DOCK4: variants seen among roughly 807,000 people sequenced by gnomAD.
The protein encoded by DOCK4 is dedicator of cytokinesis protein 4.
In DOCK4, 97 loss-of-function variants were observed where a neutral mutation model predicts 268.1. The observed-to-expected ratio is 0.36, with a 90% CI of 0.31 to 0.43. The LOEUF is 0.43. DOCK4 is among the 20% of genes least tolerant of loss of function. The pLI, the probability that DOCK4 is intolerant of heterozygous loss-of-function variation, is 1.00. For synonymous variants in DOCK4, 954 were observed against 887.2 expected (o/e 1.08, Z -1.34); for missense variants, 2,145 against 2,455.7 (o/e 0.87, Z 2.67).
intron 27 of DOCK4, chr7:111,820,721 T>C (rs956803599): frequency 1.3e-5 from 2 of 152,240 alleles, no homozygotes; most frequent in African/African-American, 4.8e-5. Flanking sequence ...TACTTTCAGT[T>C]TGAATTTCTA....
chr7:111,921,337 G>T (rs1793120200), intron 12 of DOCK4, among the ~76,000 whole-genome samples: 1 of 152,160 alleles, frequency 6.6e-6, no homozygotes, highest in Non-Finnish European at 1.5e-5. Flanking sequence ...GCCAAATGTG[G>T]CTGATTACTT....
intron 28 of DOCK4, among the ~76,000 whole-genome samples, chr7:111,809,988 CAAA>C (rs141294490): frequency 7.9e-6 from 1 of 126,180 alleles, no homozygotes. Flanking sequence ...ATAAACTTAG[CAAA>C]AAAAAAAAAG....
At chr7:112,198,311 C>T (rs1255576459) in intron 1 of DOCK4, among the ~76,000 whole-genome samples, 1 of 152,142 alleles carries the variant, frequency 6.6e-6, no homozygotes, top group Non-Finnish European at 1.5e-5. Flanking sequence ...AAGGCCCTCA[C>T]CAGGAACTGA....
At chr7:112,071,233 C>T (rs1807555994) in intron 1 of DOCK4, among the ~76,000 whole-genome samples, 2 of 152,136 alleles carry the variant, frequency 1.3e-5, no homozygotes, top group South Asian at 2.1e-4. Context: ...TATCTTGTAC[C>T]TTTGTTGATA....
intron 26 of DOCK4, among the ~76,000 whole-genome samples, chr7:111,832,659 C>T (rs1474044021): frequency 6.6e-6 from 1 of 152,116 alleles, no homozygotes; most frequent in Admixed American, 6.5e-5. Flanking sequence ...TCCCAAATAG[C>T]TGGGACTACA....
At chr7:112,099,267 G>C (rs1810448467) in intron 1 of DOCK4, among the ~76,000 whole-genome samples, 1 of 150,570 alleles carries the variant, frequency 6.6e-6, no homozygotes, top group South Asian at 2.1e-4. Flanking sequence ...ATTTCCGCCT[G>C]GGTGATAGAG....
At chr7:111,784,419 A>C (rs1166818410) in intron 32 of DOCK4, 2 of 602,568 alleles carry the variant, frequency 3.3e-6, no homozygotes, top group South Asian at 3.0e-5. Context: ...AAGCAATTTT[A>C]CTGCAATGCA....
chr7:111,799,857 T>C (rs533562100), intron 30 of DOCK4, among the ~76,000 whole-genome samples: 2 of 152,314 alleles, frequency 1.3e-5, no homozygotes, highest in East Asian at 1.9e-4. Flanking sequence ...TAATTTTATA[T>C]GGAAATTATT....
At chr7:112,000,348 G>A in intron 3 of DOCK4, 146 bp downstream of exon 3, 2 of 528,326 alleles carry the variant, frequency 3.8e-6, no homozygotes, top group Middle Eastern at 5.4e-4. Flanking sequence ...CAAGTTCAAA[G>A]GAATTTCCAA....
At chr7:111,897,757 C>T (rs142521355) in intron 15 of DOCK4, among the ~76,000 whole-genome samples, 30 of 152,322 alleles carry the variant, frequency 2.0e-4, no homozygotes, top group Admixed American at 5.2e-4. Context: ...CGTTACTCAA[C>T]TGCCCACTTG....
At position 111,840,996 on chromosome 7, in the gene DOCK4, G is replaced by A. The variant is rs1803642918; in HGVS notation, c.2736+3767C>T. 22 of 427,358 alleles carry A rather than the reference G, an allele frequency of 5.1e-5. 2 individuals are homozygous for A. The highest frequency in any genetic ancestry group is 3.3e-4 in the South Asian group (18 of 53,918). 26.5% of individuals were successfully genotyped at this position (427,358 alleles called of 1,614,324 possible). ...ATAACAACAACAATACCTGAAGCAC[G>A]TCTGCAACAATCATGATATGACTGT... On this transcript the variant is annotated intron_variant, in intron 25 of 52. Transcript: ENST00000428084.
chr7:111,917,599 T>C (rs1426017063), intron 12 of DOCK4, among the ~76,000 whole-genome samples: 7 of 151,604 alleles, frequency 4.6e-5, no homozygotes, highest in Admixed American at 3.9e-4. Flanking sequence ...CCAGCTACTC[T>C]GGAGGCTGAG....
intron 1 of DOCK4, among the ~76,000 whole-genome samples, chr7:112,144,079 G>A (rs1460070814): frequency 6.6e-6 from 1 of 152,124 alleles, no homozygotes; most frequent in Non-Finnish European, 1.5e-5. Flanking sequence ...TCTTTTGGGG[G>A]ACTCAGTTTC....
At chr7:111,992,171 C>G (rs1447738861) in intron 5 of DOCK4, among the ~76,000 whole-genome samples, 1 of 152,034 alleles carries the variant, frequency 6.6e-6, no homozygotes, top group Non-Finnish European at 1.5e-5. Flanking sequence ...TAAAGAGCAA[C>G]TAGCACTTTT....
chr7:111,816,103 G>A (rs920087689), intron 27 of DOCK4, among the ~76,000 whole-genome samples: 2 of 152,038 alleles, frequency 1.3e-5, no homozygotes, highest in African/African-American at 4.8e-5. Flanking sequence ...CTCATTTTGG[G>A]CTTAAGAAAT....
At chr7:111,827,440 T>C (rs2133992652) in intron 26 of DOCK4, among the ~76,000 whole-genome samples, 1 of 152,264 alleles carries the variant, frequency 6.6e-6, no homozygotes, top group African/African-American at 2.4e-5. Flanking sequence ...TGGTCTCGAC[T>C]CTCAATGGCC....
intron 52 of DOCK4, 70 bp from the exon 53 acceptor site, chr7:111,728,790 A>T: frequency 7.0e-7 from 1 of 1,433,144 alleles, no homozygotes; most frequent in East Asian, 2.5e-5. Flanking sequence ...GCTGAAATGT[A>T]CGCCCCGACG....
At chr7:111,905,176 G>A (rs996450113) in intron 13 of DOCK4, among the ~76,000 whole-genome samples, 1 of 152,174 alleles carries the variant, frequency 6.6e-6, no homozygotes, top group Non-Finnish European at 1.5e-5. Context: ...ATACACTTGA[G>A]GTTGACTCTG....
At chr7:112,190,540 G>C (rs902397164) in intron 1 of DOCK4, among the ~76,000 whole-genome samples, 4 of 152,186 alleles carry the variant, frequency 2.6e-5, no homozygotes, top group African/African-American at 9.7e-5. Context: ...TGAGGAGCCA[G>C]TGGTTCCATA....
Sources: allele counts gnomAD v4.1 joint callset (sites outside exome capture counted in the v4.1 genomes callset), GRCh38; gene constraint gnomAD v4.1.1; transcripts MANE v1.5; gene names NCBI Gene and HGNC (gene_info 2026-07-23, HGNC 2026-07-21).